Variants in MYO5C observed in about 807,000 individuals in gnomAD.
MYO5C encodes unconventional myosin-Vc.
In MYO5C, 194 loss-of-function variants were observed where a neutral mutation model predicts 235.7. The observed-to-expected ratio is 0.82, with a 90% confidence interval of 0.73 to 0.93. The LOEUF (loss-of-function observed/expected upper bound fraction) is 0.93. Among genes scored for constraint, MYO5C ranks in the 40% least tolerant of loss-of-function variants. MYO5C has a pLI of 0.00. For synonymous variants in MYO5C, 707 were observed against 754.8 expected (o/e 0.94, Z 1.04); for missense variants, 2,038 against 2,127.2 (o/e 0.96, Z 0.82).
intron 31 of MYO5C, among the ~76,000 whole-genome samples, chr15:52,219,086 G>A (rs1440650707): frequency 6.6e-6 from 1 of 152,224 alleles, no homozygotes; most frequent in African/African-American, 2.4e-5. Flanking sequence ...ACCATTAGAA[G>A]AGTTCCAAAA....
intron 34 of MYO5C, 64 bp downstream of exon 34, chr15:52,213,124 G>C (rs2035482713): frequency 3.2e-6 from 4 of 1,232,326 alleles, no homozygotes; most frequent in Non-Finnish European, 4.8e-6. Context: ...CCAGGACTTT[G>C]GCACTGACTG....
At chr15:52,251,327 T>C in intron 13 of MYO5C, 63 bp downstream of exon 13, 4 of 1,481,804 alleles carry the variant, frequency 2.7e-6, no homozygotes, top group Non-Finnish European at 3.6e-6. Context: ...CTGGCCTGCC[T>C]ACTCCTTCTG....
rs1274924670 is a variant in MYO5C at position 52,286,195 on chromosome 15, G to A, written c.28-3303C>T. 5.9e-5 allele frequency among the ~76,000 whole-genome samples: 9 copies of A among 151,764 alleles called. No homozygotes were observed. The South Asian group carries it at 6.2e-4, about 11-fold the overall frequency. ...TGGGAGGAGAAGAGTGTCTCCGCCC[G>A]GCAGCCGCCCCGTCCGGGAGGGAGG... On this transcript the variant is annotated intron_variant, in intron 1 of 40. Coordinates refer to ENST00000261839, the MANE Select transcript of MYO5C (RefSeq NM_018728.4).
intron 8 of MYO5C, among the ~76,000 whole-genome samples, chr15:52,266,585 A>C (rs892734584): frequency 6.6e-5 from 10 of 152,144 alleles, no homozygotes; most frequent in African/African-American, 2.4e-4. Context: ...CATGCTCACT[A>C]CAACCACCCG....
intron 1 of MYO5C, among the ~76,000 whole-genome samples, chr15:52,291,741 T>TTTTTTGTTTTG (rs1566998082): frequency 2.2e-5 from 2 of 91,006 alleles, no homozygotes; most frequent in African/African-American, 3.8e-5. Context: ...GTTTTTTTTT[T>TTTTTTGTTTTG]TTTTTTTTTT....
At chr15:52,225,669 T>C (rs757685428) in intron 25 of MYO5C, 137 bp from the exon 26 acceptor site, 34 of 652,070 alleles carry the variant, frequency 5.2e-5, no homozygotes, top group Non-Finnish European at 9.4e-5. Context: ...GCTAAAATCT[T>C]GTTAAACCAT....
Position 52,295,609 on chromosome 15 carries a change from CCTG to C in MYO5C, c.25_27del (p.Gln9del). On this transcript the variant is annotated inframe_deletion and splice_region_variant, in exon 1 of 41. Coordinates refer to ENST00000261839, the MANE Select transcript of MYO5C (RefSeq NM_018728.4). ...CCCAGGAGCCCAGCGGACCCTCCTA[CCTG>C]CGTGTACAGCTCGGCCACCGCCATG... is the stretch of plus-strand genomic sequence containing the variant. The C allele has an allele frequency of 6.7e-7, 1 of 1,493,342 alleles. No individual in the cohort carries two copies. The highest frequency in any genetic ancestry group is 8.9e-7 in the Non-Finnish European group (1 of 1,124,302). 92.5% of individuals were successfully genotyped at this position (1,493,342 alleles called of 1,614,324 possible).
intron 19 of MYO5C, 102 bp from the exon 20 acceptor site, chr15:52,242,315 A>C: frequency 1.1e-5 from 14 of 1,244,608 alleles, no homozygotes; most frequent in Non-Finnish European, 1.5e-5. Context: ...GGAAGGTTCA[A>C]ATATTTTACA....
At chr15:52,221,596 C>G (rs1489870386) in intron 29 of MYO5C, among the ~76,000 whole-genome samples, 1 of 152,154 alleles carries the variant, frequency 6.6e-6, no homozygotes, top group African/African-American at 2.4e-5. Context: ...CCATCGTCTC[C>G]TCATCTAGGA....
intron 38 of MYO5C, among the ~76,000 whole-genome samples, chr15:52,198,511 A>C (rs1436415672): frequency 6.6e-6 from 1 of 152,070 alleles, no homozygotes; most frequent in Admixed American, 6.5e-5. Context: ...TTGCATTGCT[A>C]CTTTTGTCCC....
At chr15:52,252,774 C>CAAA (rs71425736) in intron 12 of MYO5C, among the ~76,000 whole-genome samples, 2 of 140,876 alleles carry the variant, frequency 1.4e-5, no homozygotes, top group African/African-American at 2.6e-5. Context: ...GACTCCGTCT[C>CAAA]AAAAAAAAAA....
In MYO5C at chr15:52,244,376, G is replaced by A. The variant is rs2036293212; in HGVS notation, c.2370C>T (p.Phe790=). The part of the protein sequence containing the change: ...RRAALIIQQY[F]RGQQTVRKAI... ...CATACCTCACAGTTTGCTGACCCCGGAAGTACTGCTGGATTATCAGGGCGG... is the reference window on the plus strand; with the variant it reads ...CATACCTCACAGTTTGCTGACCCCGAAAGTACTGCTGGATTATCAGGGCGG... The change falls in exon 19 of 41, where the codon TTC becomes TTT. Residue 790 remains phenylalanine (F), a synonymous_variant. Transcript: ENST00000261839. 4 of 1,613,512 alleles carry A rather than the reference G, an allele frequency of 2.5e-6. No homozygotes were observed. The highest frequency in any genetic ancestry group is 3.4e-6 in the Non-Finnish European group (4 of 1,179,938).
intron 1 of MYO5C, among the ~76,000 whole-genome samples, chr15:52,295,081 G>C (rs530628979): frequency 2.0e-5 from 3 of 152,372 alleles, no homozygotes. Context: ...ATTCTAGAAA[G>C]CAGCCCGAAC....
At position 52,294,478 on chromosome 15, in the gene MYO5C, A is replaced by C. The variant is rs571926408; in HGVS notation, c.27+1132T>G. ...GTGTCCGGACTGTTACTAAGTAATC[A>C]AAGTAGAAGAAAAACGTTTGCTTAA... is the stretch of plus-strand genomic sequence containing the variant. On this transcript the variant is annotated intron_variant, in intron 1 of 40. Transcript: ENST00000261839. Among the ~76,000 whole-genome samples the C allele has an allele frequency of 1.1e-4, 16 of 152,378 alleles. No homozygotes were observed. The East Asian group carries it at 2.9e-3, about 28-fold the overall frequency.
chr15:52,234,231 A>G (rs1156331535), intron 23 of MYO5C, among the ~76,000 whole-genome samples: 2 of 152,252 alleles, frequency 1.3e-5, no homozygotes, highest in African/African-American at 4.8e-5. Context: ...GAGAAACAGC[A>G]TTTGATAGCA....
intron 13 of MYO5C, 71 bp from the exon 14 acceptor site, chr15:52,248,854 T>A (rs2036410284): frequency 9.5e-7 from 1 of 1,054,824 alleles, no homozygotes; most frequent in African/African-American, 1.6e-5. Context: ...AAGTTTCATC[T>A]CTTTTTTAAG....
intron 8 of MYO5C, among the ~76,000 whole-genome samples, chr15:52,268,428 T>C (rs2036855497): frequency 6.6e-6 from 1 of 152,070 alleles, no homozygotes. Context: ...CCAGGTGTGG[T>C]GGCGTGTGCT....
At chr15:52,263,519 C>T (rs1259467836) in intron 9 of MYO5C, among the ~76,000 whole-genome samples, 2 of 152,106 alleles carry the variant, frequency 1.3e-5, no homozygotes, top group African/African-American at 4.8e-5. Context: ...CCCTTAAGGT[C>T]CTATGTGGTC....
At chr15:52,237,941 T>C (rs2036128503) in intron 21 of MYO5C, among the ~76,000 whole-genome samples, 1 of 147,778 alleles carries the variant, frequency 6.8e-6, no homozygotes, top group East Asian at 2.1e-4. Flanking sequence ...AATTCATTTG[T>C]TGAAGTCCTA....
Sources: allele counts gnomAD v4.1 joint callset (sites outside exome capture counted in the v4.1 genomes callset), GRCh38; gene constraint gnomAD v4.1.1; transcripts MANE v1.5; gene names NCBI Gene and HGNC (gene_info 2026-07-23, HGNC 2026-07-21).